The following PIAS2 variants were observed in gnomAD, a reference collection of about 807,000 sequenced individuals.
PIAS2 encodes E3 SUMO-protein ligase PIAS2.
PIAS2 carries 19 observed loss-of-function variants against 69.7 expected under a neutral mutation model. The observed-to-expected ratio is 0.27, with a 90% CI of 0.19 to 0.40. PIAS2 has a LOEUF of 0.40. Ranked by LOEUF, PIAS2 falls within the 10% of genes least tolerant of loss-of-function variation. PIAS2 has a pLI of 1.00. For missense variants in PIAS2, 624 were observed against 757.0 expected (o/e 0.82, Z 2.06); for synonymous variants, 261 against 263.2 (o/e 0.99, Z 0.08).
intron 2 of PIAS2, among the ~76,000 whole-genome samples, chr18:46,878,625 T>G (rs928666472): frequency 6.6e-6 from 1 of 152,174 alleles, no homozygotes. Context: ...TCCCAGCACT[T>G]TGGGAGGCCA....
At chr18:46,854,029 C>T (rs530040716) in intron 5 of PIAS2, 1 of 152,384 alleles carries the variant, frequency 6.6e-6, no homozygotes, top group East Asian at 1.9e-4. Context: ...TGCAGTGTTG[C>T]TCAAGCCCTT....
At chr18:46,853,292 TA>T (rs35085118) in intron 5 of PIAS2, 11,282 of 109,840 alleles carry the variant, frequency 0.1, 453 homozygotes, top group African/African-American at 0.13. Context: ...TTTTTTTAAA[TA>T]AAAAAAAAAA....
intron 12 of PIAS2, chr18:46,817,697 G>A (rs72907111): frequency 0.016 from 15,330 of 946,946 alleles, 145 homozygotes; most frequent in Non-Finnish European, 0.018. Flanking sequence ...GCATTACAAG[G>A]GTGCTGTCTA....
chr18:46,917,045 G>A (rs2058030016), intron 1 of PIAS2: 1 of 988,016 alleles, frequency 1.0e-6, no homozygotes, highest in Non-Finnish European at 1.2e-6. Context: ...CTCCTGGAGG[G>A]CGCCCCGACC....
At chr18:46,846,971 C>G in intron 5 of PIAS2, 130 bp from the exon 6 acceptor site, 13 of 698,126 alleles carry the variant, frequency 1.9e-5, no homozygotes, top group Non-Finnish European at 2.7e-5. Flanking sequence ...AATCATATAG[C>G]CCTTATGATC....
At chr18:46,868,393 C>G (rs1389211389) in intron 2 of PIAS2, among the ~76,000 whole-genome samples, 1 of 152,146 alleles carries the variant, frequency 6.6e-6, no homozygotes, top group African/African-American at 2.4e-5. Flanking sequence ...CTGTAAGCTC[C>G]CCCTCTTGCT....
At chr18:46,911,139 G>A (rs1401675324) in intron 1 of PIAS2, among the ~76,000 whole-genome samples, 1 of 151,384 alleles carries the variant, frequency 6.6e-6, no homozygotes, top group East Asian at 1.9e-4. Flanking sequence ...TACAACATGA[G>A]AACCCATTAT....
At position 46,855,548 on chromosome 18, in the gene PIAS2, G is replaced by A. The variant is rs961996355; in HGVS notation, c.635+17C>T. ...AAGCAAGTATAAAACTAAGGTAACAGAAAATTTCAAACTCACCTCAACTGA... is the reference window on the plus strand; with the variant it reads ...AAGCAAGTATAAAACTAAGGTAACAAAAAATTTCAAACTCACCTCAACTGA... On this transcript the variant is annotated intron_variant, in intron 4 of 13. Transcript: ENST00000585916. 1 of 1,610,460 alleles carries A rather than the reference G, an allele frequency of 6.2e-7. No homozygotes were observed. The highest frequency in any genetic ancestry group is 8.5e-7 in the Non-Finnish European group (1 of 1,176,924).
chr18:46,837,864 A>T (rs2044688564), intron 8 of PIAS2, among the ~76,000 whole-genome samples: 1 of 152,184 alleles, frequency 6.6e-6, no homozygotes, highest in Non-Finnish European at 1.5e-5. Flanking sequence ...ATGCTCCAAA[A>T]AGACGGTCTA....
chr18:46,867,019 T>C (rs769914674), intron 2 of PIAS2, among the ~76,000 whole-genome samples: 1 of 152,234 alleles, frequency 6.6e-6, no homozygotes, highest in Admixed American at 6.5e-5. Flanking sequence ...AATGGTTCCA[T>C]AGTCATGTTG....
intron 11 of PIAS2, among the ~76,000 whole-genome samples, chr18:46,823,799 ATTAG>A (rs1474510841): frequency 6.6e-6 from 1 of 152,254 alleles, no homozygotes; most frequent in Non-Finnish European, 1.5e-5. Flanking sequence ...TAAAGTAGTC[ATTAG>A]TTAGGATTAT....
At chr18:46,915,101 C>T (rs2057670618) in intron 1 of PIAS2, 1 of 151,892 alleles carries the variant, frequency 6.6e-6, no homozygotes, top group South Asian at 2.1e-4. Flanking sequence ...TAGTGTAGCC[C>T]GGGCTCTGAA....
At chr18:46,873,910 TC>T (rs1283786040) in intron 2 of PIAS2, among the ~76,000 whole-genome samples, 1 of 151,630 alleles carries the variant, frequency 6.6e-6, no homozygotes, top group Non-Finnish European at 1.5e-5. Context: ...TCCCATCTTC[TC>T]CCCCGCTGAA....
chr18:46,884,469 C>T (rs571061296), intron 2 of PIAS2, among the ~76,000 whole-genome samples: 4 of 152,068 alleles, frequency 2.6e-5, no homozygotes, highest in Middle Eastern at 3.4e-3. Flanking sequence ...CCCGCCACCA[C>T]GCCGGCTAAT....
At chr18:46,849,237 A>G (rs2046608110) in intron 5 of PIAS2, among the ~76,000 whole-genome samples, 1 of 152,080 alleles carries the variant, frequency 6.6e-6, no homozygotes, top group African/African-American at 2.4e-5. Context: ...CACTCAGCAT[A>G]AAGTGTTTTC....
At chr18:46,892,573 G>C (rs1035052391) in intron 1 of PIAS2, among the ~76,000 whole-genome samples, 3 of 151,942 alleles carry the variant, frequency 2.0e-5, no homozygotes, top group African/African-American at 7.3e-5. Context: ...AGGAGTTCGA[G>C]ACCACACTGG....
At chr18:46,899,834 A>C (rs1412756100) in intron 1 of PIAS2, among the ~76,000 whole-genome samples, 2 of 128,630 alleles carry the variant, frequency 1.6e-5, no homozygotes, top group Non-Finnish European at 3.2e-5. Context: ...CAACTAAACA[A>C]ACCTTTACTA....
intron 12 of PIAS2, chr18:46,816,004 A>G: frequency 2.0e-6 from 2 of 984,598 alleles, no homozygotes; most frequent in East Asian, 1.1e-4. Flanking sequence ...CCAGTAATAT[A>G]CTTTTGACAT....
At chr18:46,883,073 G>C (rs2145881137) in intron 2 of PIAS2, among the ~76,000 whole-genome samples, 1 of 151,456 alleles carries the variant, frequency 6.6e-6, no homozygotes, top group East Asian at 1.9e-4. Flanking sequence ...ACTGCAGCCT[G>C]GGCGACAGAG....
Sources: allele counts gnomAD v4.1 joint callset (sites outside exome capture counted in the v4.1 genomes callset), GRCh38; gene constraint gnomAD v4.1.1; transcripts MANE v1.5; gene names NCBI Gene and HGNC (gene_info 2026-07-23, HGNC 2026-07-21).